The following TTLL3 variants were observed in gnomAD, a reference collection of about 807,000 sequenced individuals.
TTLL3 encodes the protein tubulin monoglycylase TTLL3.
TTLL3 carries 63 observed loss-of-function variants against 75.2 expected under a neutral mutation model. The observed-to-expected ratio is 0.84, with a 90% confidence interval of 0.68 to 1.03. The LOEUF is 1.03. Among genes scored for constraint, TTLL3 ranks in the 50% least tolerant of loss-of-function variants. The pLI is 0.00. For missense variants in TTLL3, 997 were observed against 1,069.9 expected (o/e 0.93, Z 0.95); for synonymous variants, 393 against 418.5 (o/e 0.94, Z 0.74).
Position 9,829,206 on chromosome 3 carries a change from T to A in TTLL3, c.1494T>A (p.Ala498=), listed in dbSNP as rs2081313786. Residue 498 remains alanine (A), a synonymous_variant, in exon 11 of 14, where the codon GCT becomes GCA. Transcript: ENST00000685419. ...AGGCCAGCTTTGAGCTCTATGGCGCTGACTTCGTGTTCGGGGAGGACTTCC... is the reference window on the plus strand; with the variant it reads ...AGGCCAGCTTTGAGCTCTATGGCGCAGACTTCGTGTTCGGGGAGGACTTCC... ...CRKASFELYG[A]DFVFGEDFQP... is the part of the protein sequence containing the mutation. 1 of 1,614,220 alleles carries A rather than the reference T, an allele frequency of 6.2e-7. No homozygotes were observed. Among genetic ancestry groups the A allele is most frequent in the African/African-American group, 1.3e-5 (1 of 75,052 alleles).
chr3:9,815,117 G>A (rs1035297910), intron 4 of TTLL3, among the ~76,000 whole-genome samples: 32 of 151,728 alleles, frequency 2.1e-4, no homozygotes, highest in African/African-American at 7.8e-4. Context: ...GCGCACACCT[G>A]TAATCCCAGC....
chr3:9,812,368 A>G (rs2079434317), intron 2 of TTLL3, among the ~76,000 whole-genome samples: 1 of 152,156 alleles, frequency 6.6e-6, no homozygotes, highest in Non-Finnish European at 1.5e-5. Context: ...TACAAAAATT[A>G]GCCGGGCGCA....
At chr3:9,819,478 T>C in intron 7 of TTLL3, 1 of 992,608 alleles carries the variant, frequency 1.0e-6, no homozygotes, top group African/African-American at 1.7e-5. Context: ...TAAGAAGACA[T>C]GGTCCGTCCC....
chr3:9,819,509 C>A (rs1267687260), intron 7 of TTLL3: 19 of 988,524 alleles, frequency 1.9e-5, no homozygotes, highest in Non-Finnish European at 2.3e-5. Context: ...GAGTTCAGGT[C>A]TCTGAGGAGG....
Position 9,825,793 on chromosome 3 carries a change from C to T in TTLL3, c.855-7C>T, listed in dbSNP as rs556895226. 1.2e-6 allele frequency: 2 copies of T among 1,614,162 alleles called. No individual in the cohort carries two copies. Among genetic ancestry groups the T allele is most frequent in the South Asian group, 1.1e-5 (1 of 91,080 alleles). On this transcript the variant is annotated splice_region_variant and splice_polypyrimidine_tract_variant and intron_variant, in intron 8 of 13. Transcript: ENST00000685419. ...AGCCCTGCCCAAGTTCTATCATTTC[C>T]CCACAGCGAAGGGGCAGAACTCAGG...
At chr3:9,828,488 C>T (rs1464227243) in intron 10 of TTLL3, 1 of 164,660 alleles carries the variant, frequency 6.1e-6, no homozygotes, top group African/African-American at 2.4e-5. Flanking sequence ...GTGCATACTT[C>T]TTGTTCACCA....
chr3:9,827,446 A>G (rs1432783391), intron 10 of TTLL3: 2 of 874,748 alleles, frequency 2.3e-6, no homozygotes, highest in African/African-American at 3.4e-5. Context: ...TCTGTTACCT[A>G]GGCTGGAGTG....
rs574929776 is a variant in TTLL3, at chr3:9,822,705, A to T, written c.854+1964A>T. 4.1e-5 allele frequency among the ~76,000 whole-genome samples: 6 copies of T among 145,502 alleles called. No individual in the cohort carries two copies. In the East Asian group the frequency reaches 1.2e-3, roughly 30 times the overall value. On this transcript the variant is annotated intron_variant, in intron 8 of 13. Transcript: ENST00000685419. Reference sequence around the variant, plus strand: ...GGCCTGGCAAATTTTTGTGTGATATACATATATCGTTGTATGTATATATTA... The same window carrying T: ...GGCCTGGCAAATTTTTGTGTGATATTCATATATCGTTGTATGTATATATTA...
rs747525131 is a variant in TTLL3, at chr3:9,813,093, A to C, written c.199A>C (p.Ser67Arg). ...TCTGGATAGCTCAGCGATGGGTGAC[A>C]GTGACACCACTGAGGATGGTGAGTG... is the stretch of plus-strand genomic sequence containing the variant. The part of the protein sequence containing the change: ...KDLDSSAMGD[S>R]DTTEDEDEDE... The change falls in exon 3 of 14, where the codon AGT (serine) becomes CGT (arginine). Residue 67 changes from serine (S) to arginine (R), a missense_variant. Transcript: ENST00000685419. 6 of 1,580,824 alleles carry C rather than the reference A, an allele frequency of 3.8e-6. No homozygotes were observed. The South Asian group carries it at 6.9e-5, about 18-fold the overall frequency.
Position 9,834,918 on chromosome 3 carries a change from A to T in TTLL3, c.2052+11A>T. 6.2e-7 allele frequency: 1 copy of T among 1,614,134 alleles called. No homozygotes were observed. The highest frequency in any genetic ancestry group is 1.1e-5 in the South Asian group (1 of 91,090). On this transcript the variant is annotated intron_variant, in intron 13 of 13. Coordinates refer to ENST00000685419, the MANE Select transcript of TTLL3 (RefSeq NM_001387446.1). The stretch of plus-strand genomic sequence containing the variant: ...CTGAAGCCAAGAAAGGTGGGCCTCG[A>T]CCTGTGACTCACACCCAGTGGACAG...
At chr3:9,834,207 C>T (rs1575421074) in intron 12 of TTLL3, 2 of 351,836 alleles carry the variant, frequency 5.7e-6, no homozygotes, top group East Asian at 1.5e-4. Context: ...CAAAGATGAC[C>T]TGATTTCAAA....
At position 9,820,184 on chromosome 3, in the gene TTLL3, G is replaced by A. The variant is rs180848191; in HGVS notation, c.659-362G>A. 210 of 1,028,486 alleles carry A rather than the reference G, an allele frequency of 2.0e-4. No individual in the cohort carries two copies. The African/African-American group carries it at 3.1e-3, about 15-fold the overall frequency. 63.7% of individuals were successfully genotyped at this position (1,028,486 alleles called of 1,614,324 possible). On this transcript the variant is annotated intron_variant, in intron 7 of 13. Coordinates refer to ENST00000685419, the MANE Select transcript of TTLL3 (RefSeq NM_001387446.1). ...GCTGTGTCAGACTTGGGGGAGGGGC[G>A]TTCATGTATAACTGGGTTCACATAG...
At chr3:9,827,416 C>CA in intron 10 of TTLL3, 176 bp downstream of exon 10, 1 of 1,223,608 alleles carries the variant, frequency 8.2e-7, no homozygotes, top group Admixed American at 2.9e-5. Flanking sequence ...TTTTTTTTAA[C>CA]AGACAGGGGG....
At chr3:9,813,525 G>A (rs1192467752) in intron 4 of TTLL3, among the ~76,000 whole-genome samples, 180 bp downstream of exon 4, 1 of 152,112 alleles carries the variant, frequency 6.6e-6, no homozygotes, top group Non-Finnish European at 1.5e-5. Flanking sequence ...CATGCCTGTG[G>A]TCCCAGCTAC....
Position 9,810,666 on chromosome 3 carries a change from A to G in TTLL3, c.5A>G (p.Asn2Ser), listed in dbSNP as rs771230410. The change falls in exon 2 of 14, where the codon AAC becomes AGC. Residue 2 changes from asparagine to serine, a missense_variant. Coordinates refer to ENST00000685419, the MANE Select transcript of TTLL3 (RefSeq NM_001387446.1). The surrounding 1 kb of genome is among the most constrained non-coding windows in gnomAD (Gnocchi z 4.4). The part of the protein sequence containing the change: M[N>S]RLRNAKIYVE... ...GGATCCTCCAAGGCGTCTCACATGA[A>G]CCGGCTCAGAAACGCCAAAATCTAC... is the stretch of plus-strand genomic sequence containing the variant. 1.3e-6 allele frequency: 2 copies of G among 1,585,222 alleles called. No individual in the cohort carries two copies.
At chr3:9,812,385 C>T (rs1326287172) in intron 2 of TTLL3, among the ~76,000 whole-genome samples, 3 of 152,120 alleles carry the variant, frequency 2.0e-5, no homozygotes, top group Admixed American at 2.0e-4. Flanking sequence ...CGCAGTGGCA[C>T]ACGCCTGTAC....
Position 9,834,920 on chromosome 3 carries a change from C to T in TTLL3, c.2052+13C>T, listed in dbSNP as rs747337807. The T allele has an allele frequency of 1.2e-6, 2 of 1,614,212 alleles. No homozygotes were observed. Among genetic ancestry groups the T allele is most frequent in the Non-Finnish European group, 1.7e-6 (2 of 1,180,032 alleles). On this transcript the variant is annotated intron_variant, in intron 13 of 13. Transcript: ENST00000685419. ...GAAGCCAAGAAAGGTGGGCCTCGAC[C>T]TGTGACTCACACCCAGTGGACAGTG... is the stretch of plus-strand genomic sequence containing the variant.
Position 9,832,993 on chromosome 3 carries a change from T to G in TTLL3, c.1684-111T>G, listed in dbSNP as rs1265397319. 8.1e-5 allele frequency: 110 copies of G among 1,360,034 alleles called. 1 individual carries two copies. Among genetic ancestry groups the G allele is most frequent in the Non-Finnish European group, 1.1e-4 (109 of 973,628 alleles). 84.2% of individuals were successfully genotyped at this position (1,360,034 alleles called of 1,614,324 possible). ...ATTTCTCAGCTCAGAAACGCCTCTT[T>G]GACCAGGTGCCTCAGAAAGTAATTC... On this transcript the variant is annotated intron_variant, in intron 11 of 13. Coordinates refer to ENST00000685419, the MANE Select transcript of TTLL3 (RefSeq NM_001387446.1).
intron 2 of TTLL3, among the ~76,000 whole-genome samples, chr3:9,811,494 C>G (rs75830972): frequency 5.9e-5 from 9 of 152,348 alleles, no homozygotes; most frequent in African/African-American, 2.2e-4. Context: ...AGCACCTTCT[C>G]CCGTCTGTGT....
Sources: gnomAD v4.1 joint callset for allele counts (sites outside exome capture counted in the v4.1 genomes callset) on GRCh38, gnomAD v4.1.1 for gene constraint, Gnocchi (gnomAD v3.1) non-coding constraint, MANE v1.5 for transcripts, NCBI Gene and HGNC (gene_info 2026-07-23, HGNC 2026-07-21) for gene names.